NLGN1: variants seen among roughly 807,000 people sequenced by gnomAD.
NLGN1 encodes the protein neuroligin-1.
Under a neutral mutation model 65.5 loss-of-function variants are expected in NLGN1, and 12 were observed. The ratio of observed to expected loss-of-function variants is 0.18; its 90% CI spans 0.12 to 0.30. The LOEUF (loss-of-function observed/expected upper bound fraction) is 0.30, where lower values mean the gene tolerates loss of function less well. NLGN1 is among the 10% of genes least tolerant of loss of function. NLGN1 has a pLI of 1.00. For synonymous variants in NLGN1, 350 were observed against 359.5 expected, an observed-to-expected ratio of 0.97 and a Z score of 0.30; for missense variants, 750 against 1,007.1, an observed-to-expected ratio of 0.74 and a Z score of 3.46.
chr3:173,508,932 C>G (rs1385520555), intron 2 of NLGN1, among the ~76,000 whole-genome samples: 1 of 152,112 alleles, frequency 6.6e-6, no homozygotes, highest in African/African-American at 2.4e-5. Context: ...CTCAACCAGC[C>G]CATTTGTATC....
At chr3:173,467,434 G>T (rs975887532) in intron 2 of NLGN1, among the ~76,000 whole-genome samples, 1 of 152,006 alleles carries the variant, frequency 6.6e-6, no homozygotes, top group South Asian at 2.1e-4. Flanking sequence ...AAAAGATAAG[G>T]TTATTGTTTT....
rs566367200 is a variant in NLGN1, at chr3:174,048,551, C to T, written c.647-226764C>T. 7.3e-5 allele frequency among the ~76,000 whole-genome samples: 11 copies of T among 151,586 alleles called. No individual in the cohort carries two copies. The South Asian group carries it at 8.4e-4, about 12-fold the overall frequency. On this transcript the variant is annotated intron_variant, in intron 4 of 6. Transcript: ENST00000457714. ...CTGAAGCTGAAAAAAAATGTAGGTC[C>T]GTGCTACATATCAAAGATTAGAGAT...
At chr3:173,425,096 G>GGA (rs144479239) in intron 1 of NLGN1, among the ~76,000 whole-genome samples, 2 of 151,906 alleles carry the variant, frequency 1.3e-5, no homozygotes, top group Admixed American at 6.6e-5. Context: ...GAAGGTGGCA[G>GGA]GAGAGAGAGA....
chr3:173,747,441 A>G (rs1332228068), intron 3 of NLGN1, among the ~76,000 whole-genome samples: 2 of 148,830 alleles, frequency 1.3e-5, no homozygotes, highest in African/African-American at 4.9e-5. Flanking sequence ...AGCCTGGCAC[A>G]TATTTAGAAT....
intron 4 of NLGN1, among the ~76,000 whole-genome samples, chr3:174,237,158 G>A (rs1005810244): frequency 1.3e-5 from 2 of 152,092 alleles, no homozygotes; most frequent in African/African-American, 4.8e-5. Flanking sequence ...TTCTAATTTA[G>A]TGTAAGGAAT....
intron 2 of NLGN1, among the ~76,000 whole-genome samples, chr3:173,451,356 C>T (rs536418936): frequency 7.9e-5 from 12 of 152,282 alleles, no homozygotes; most frequent in East Asian, 7.7e-4. Flanking sequence ...GTATCAGCAG[C>T]GGCGGCTGCA....
intron 2 of NLGN1, among the ~76,000 whole-genome samples, chr3:173,450,977 A>G (rs1163583503): frequency 1.3e-5 from 2 of 151,952 alleles, no homozygotes; most frequent in Non-Finnish European, 2.9e-5. Context: ...TTTTTTTTCA[A>G]AGTTTTTAAC....
At chr3:173,863,240 T>C (rs1362292942) in intron 4 of NLGN1, among the ~76,000 whole-genome samples, 1 of 152,278 alleles carries the variant, frequency 6.6e-6, no homozygotes, top group East Asian at 1.9e-4. Flanking sequence ...ATTGTTCTGG[T>C]TTAACCAGAA....
chr3:174,092,240 G>A (rs1744657350), intron 4 of NLGN1, among the ~76,000 whole-genome samples: 1 of 152,032 alleles, frequency 6.6e-6, no homozygotes, highest in Admixed American at 6.6e-5. Flanking sequence ...TTATGAGCTG[G>A]GGAGAGACAC....
At chr3:173,529,191 C>T (rs909118699) in intron 2 of NLGN1, among the ~76,000 whole-genome samples, 2 of 152,130 alleles carry the variant, frequency 1.3e-5, no homozygotes, top group African/African-American at 2.4e-5. Context: ...TTTGGCTTTG[C>T]TTCTATGGTC....
intron 3 of NLGN1, among the ~76,000 whole-genome samples, chr3:173,745,147 C>T (rs1775180000): frequency 6.6e-6 from 1 of 152,034 alleles, no homozygotes; most frequent in South Asian, 2.1e-4. Context: ...GTCTATAGAA[C>T]TTAGTGACTT....
chr3:173,665,692 A>C (rs1245707005), intron 3 of NLGN1, among the ~76,000 whole-genome samples: 1 of 152,158 alleles, frequency 6.6e-6, no homozygotes, highest in Non-Finnish European at 1.5e-5. Flanking sequence ...ACAACATAAA[A>C]AAGTTAAAAA....
At chr3:174,045,538 A>T in intron 4 of NLGN1, among the ~76,000 whole-genome samples, 1 of 152,136 alleles carries the variant, frequency 6.6e-6, no homozygotes, top group East Asian at 1.9e-4. Context: ...GGGTGGAGAT[A>T]CAGAGCCAGA....
chr3:174,124,068 A>G (rs1268508799), intron 4 of NLGN1, among the ~76,000 whole-genome samples: 1 of 152,084 alleles, frequency 6.6e-6, no homozygotes, highest in Non-Finnish European at 1.5e-5. Flanking sequence ...GCCTTTTAAG[A>G]AGGGGAAGAA....
At position 173,783,359 on chromosome 3, in the gene NLGN1, C is replaced by A. The variant is rs569030526; in HGVS notation, c.494-24321C>A. Among the ~76,000 whole-genome samples, 115 of 152,304 alleles carry A rather than the reference C, an allele frequency of 7.6e-4. 1 individual carries two copies. The South Asian group carries it at 9.1e-3, about 12-fold the overall frequency. On this transcript the variant is annotated intron_variant, in intron 3 of 6. Transcript: ENST00000457714. Reference sequence around the variant, plus strand: ...TGAGGTTTTTGTAGCAGATACGCTACTGTTGCCTGTAACTTGGAACAAGTT... The same window carrying A: ...TGAGGTTTTTGTAGCAGATACGCTAATGTTGCCTGTAACTTGGAACAAGTT...
intron 2 of NLGN1, among the ~76,000 whole-genome samples, chr3:173,514,051 T>C (rs992996350): frequency 2.0e-5 from 3 of 152,122 alleles, no homozygotes; most frequent in East Asian, 1.9e-4. Flanking sequence ...TACCATGATA[T>C]CATGTTAAGT....
At chr3:173,539,491 G>GTATGTA (rs201953677) in intron 2 of NLGN1, among the ~76,000 whole-genome samples, 4 of 141,616 alleles carry the variant, frequency 2.8e-5, no homozygotes, top group Non-Finnish European at 4.6e-5. Context: ...GCATGTATAT[G>GTATGTA]TATGTATATG....
At chr3:173,930,715 A>G (rs575026991) in intron 4 of NLGN1, among the ~76,000 whole-genome samples, 1 of 152,208 alleles carries the variant, frequency 6.6e-6, no homozygotes, top group Non-Finnish European at 1.5e-5. Flanking sequence ...TCCAGTCTTC[A>G]TAATAAAAGA....
chr3:173,549,335 T>C (rs764266815), intron 2 of NLGN1, among the ~76,000 whole-genome samples: 3 of 152,046 alleles, frequency 2.0e-5, no homozygotes, highest in Non-Finnish European at 4.4e-5. Flanking sequence ...AAAACCAAAA[T>C]ATTTCTTTTT....
Sources: gnomAD v4.1 joint callset for allele counts (sites outside exome capture counted in the v4.1 genomes callset) on GRCh38, gnomAD v4.1.1 for gene constraint, MANE v1.5 for transcripts, NCBI Gene and HGNC (gene_info 2026-07-23, HGNC 2026-07-21) for gene names.